SEMA3A: variants seen among roughly 807,000 people sequenced by gnomAD.
The protein encoded by SEMA3A is semaphorin 3A.
SEMA3A carries 29 observed loss-of-function variants against 97.9 expected under a neutral mutation model. The observed-to-expected ratio is 0.30, with a 90% CI of 0.22 to 0.40. The LOEUF (loss-of-function observed/expected upper bound fraction) is 0.40, where lower values mean the gene tolerates loss of function less well. Ranked by LOEUF, SEMA3A falls within the 10% of genes least tolerant of loss-of-function variation. The probability of loss-of-function intolerance (pLI) is 1.00; values close to 1 mark genes in which losing one functional copy is unlikely to be tolerated. For missense variants in SEMA3A, 763 were observed against 951.3 expected (o/e 0.80, Z 2.60); for synonymous variants, 321 against 323.7 (o/e 0.99, Z 0.09).
At chr7:84,306,156 T>C (rs1292419706) in intron 3 of SEMA3A, among the ~76,000 whole-genome samples, 2 of 151,838 alleles carry the variant, frequency 1.3e-5, no homozygotes, top group African/African-American at 2.4e-5. Flanking sequence ...TTTTGCCTTA[T>C]ATGATGTGAT....
At chr7:84,283,227 T>C (rs78392016) in intron 3 of SEMA3A, among the ~76,000 whole-genome samples, 4,958 of 152,076 alleles carry the variant, frequency 0.033, 94 homozygotes, top group South Asian at 0.046. Flanking sequence ...CATCATACCA[T>C]TCTAGAAGCA....
At position 83,957,650 on chromosome 7, in the gene SEMA3A, A is replaced by G. The variant is rs1382744448; in HGVS notation, c.*3721T>C. 1 of 152,068 alleles carries G rather than the reference A, an allele frequency of 6.6e-6. No homozygotes were observed. The highest frequency in any genetic ancestry group is 1.5e-5 in the Non-Finnish European group (1 of 67,952). 9.4% of individuals were successfully genotyped at this position (152,068 alleles called of 1,614,324 possible). On this transcript the variant is annotated 3_prime_UTR_variant, in exon 17 of 17. Coordinates refer to ENST00000265362, the MANE Select transcript of SEMA3A (RefSeq NM_006080.3). Reference sequence around the variant, plus strand: ...TCTTAATTTATTAACTTGAAAAATTATGTTCATTTAATTAACTAGTTTAAG... The same window carrying G: ...TCTTAATTTATTAACTTGAAAAATTGTGTTCATTTAATTAACTAGTTTAAG...
intron 4 of SEMA3A, among the ~76,000 whole-genome samples, chr7:84,092,705 T>G (rs1197282613): frequency 6.6e-6 from 1 of 152,238 alleles, no homozygotes; most frequent in South Asian, 2.1e-4. Flanking sequence ...AGATTGGTTT[T>G]ACCAAAATAG....
At chr7:83,988,735 C>A (rs1789748740) in intron 12 of SEMA3A, among the ~76,000 whole-genome samples, 1 of 151,800 alleles carries the variant, frequency 6.6e-6, no homozygotes, top group African/African-American at 2.4e-5. Context: ...CAAAAATTAT[C>A]AATCATAAAG....
intron 1 of SEMA3A, chr7:84,489,312 G>A (rs189357154): frequency 6.6e-6 from 1 of 152,112 alleles, no homozygotes; most frequent in Non-Finnish European, 1.5e-5. Context: ...CTTGACACAT[G>A]GGGCTTATTA....
intron 3 of SEMA3A, among the ~76,000 whole-genome samples, chr7:84,226,496 A>G (rs1798992349): frequency 6.6e-6 from 1 of 152,128 alleles, no homozygotes. Context: ...AGTAAAAATC[A>G]TATCTATAAC....
At chr7:84,006,388 GA>G (rs1417828158) in intron 10 of SEMA3A, among the ~76,000 whole-genome samples, 1 of 151,782 alleles carries the variant, frequency 6.6e-6, no homozygotes, top group Non-Finnish European at 1.5e-5. Flanking sequence ...CAGAGTTAAG[GA>G]AAAGTGTTAT....
intron 1 of SEMA3A, among the ~76,000 whole-genome samples, chr7:84,476,104 C>A (rs529945008): frequency 6.6e-6 from 1 of 151,994 alleles, no homozygotes; most frequent in East Asian, 1.9e-4. Context: ...TGCCTGTAGT[C>A]CCAGCACTTT....
intron 5 of SEMA3A, among the ~76,000 whole-genome samples, chr7:84,056,674 A>T (rs73187480): frequency 0.05 from 7,635 of 152,218 alleles, 292 homozygotes; most frequent in East Asian, 0.19. Flanking sequence ...CATGGATGTA[A>T]GAAAAATTTT....
intron 1 of SEMA3A, among the ~76,000 whole-genome samples, chr7:84,476,040 G>T (rs1008114276): frequency 6.6e-6 from 1 of 152,084 alleles, no homozygotes; most frequent in South Asian, 2.1e-4. Flanking sequence ...AGAACTTAGA[G>T]ATAAGATAAA....
chr7:84,453,971 AAGT>A (rs778060723), intron 1 of SEMA3A, among the ~76,000 whole-genome samples: 1 of 152,230 alleles, frequency 6.6e-6, no homozygotes, highest in Non-Finnish European at 1.5e-5. Context: ...TCAAAAAATG[AAGT>A]AGGTGGACTT....
intron 4 of SEMA3A, among the ~76,000 whole-genome samples, chr7:84,071,588 T>G (rs1336252251): frequency 6.6e-6 from 1 of 152,116 alleles, no homozygotes; most frequent in African/African-American, 2.4e-5. Context: ...ACCTATTATG[T>G]AAAGATTAGG....
chr7:84,284,067 A>C (rs7780589), intron 3 of SEMA3A, among the ~76,000 whole-genome samples: 1,529 of 152,246 alleles, frequency 0.01, 35 homozygotes, highest in African/African-American at 0.035. Flanking sequence ...GGTTATCAAC[A>C]TCATGTCTGA....
At chr7:84,190,736 TAC>T (rs1386151993) in intron 1 of SEMA3A, among the ~76,000 whole-genome samples, 1 of 147,662 alleles carries the variant, frequency 6.8e-6, no homozygotes, top group African/African-American at 2.5e-5. Context: ...ATAATATATA[TAC>T]ACACACACAT....
intron 12 of SEMA3A, among the ~76,000 whole-genome samples, chr7:83,990,209 T>C (rs2116345322): frequency 6.6e-6 from 1 of 152,220 alleles, no homozygotes; most frequent in African/African-American, 2.4e-5. Context: ...TTGTAGATTC[T>C]GGATATTAGC....
At chr7:83,981,578 A>C in intron 13 of SEMA3A, 100 bp from the exon 14 acceptor site, 1 of 1,028,968 alleles carries the variant, frequency 9.7e-7, no homozygotes, top group Non-Finnish European at 1.3e-6. Context: ...CTCAGAGATA[A>C]ATTAAGGGTT....
At chr7:84,485,746 G>A (rs571446662) in intron 1 of SEMA3A, among the ~76,000 whole-genome samples, 24 of 152,100 alleles carry the variant, frequency 1.6e-4, no homozygotes, top group Non-Finnish European at 2.9e-4. Flanking sequence ...ACCAATATTA[G>A]CTGTGATTGA....
intron 1 of SEMA3A, among the ~76,000 whole-genome samples, chr7:84,420,705 T>A (rs192395590): frequency 6.6e-6 from 1 of 152,062 alleles, no homozygotes; most frequent in Non-Finnish European, 1.5e-5. Flanking sequence ...AAGTCTATGA[T>A]TTAAAGTCTT....
chr7:84,407,554 A>C (rs552202771), intron 1 of SEMA3A, among the ~76,000 whole-genome samples: 5 of 151,576 alleles, frequency 3.3e-5, no homozygotes, highest in South Asian at 2.1e-4. Context: ...TTTAAAGTTC[A>C]TATGGAACCA....
Sources: allele counts gnomAD v4.1 joint callset (sites outside exome capture counted in the v4.1 genomes callset), GRCh38; gene constraint gnomAD v4.1.1; transcripts MANE v1.5; gene names NCBI Gene and HGNC (gene_info 2026-07-23, HGNC 2026-07-21).